Variants in FAM177A1 observed in about 807,000 individuals in gnomAD.
FAM177A1 encodes the protein family with sequence similarity 177 member A1, also known as protein FAM177A1.
FAM177A1 carries 22 observed loss-of-function variants against 26.1 expected under a neutral mutation model. The ratio of observed to expected loss-of-function variants is 0.84; its 90% confidence interval spans 0.60 to 1.20. The LOEUF is 1.20. FAM177A1 is among the 50% of genes most tolerant of loss of function. The pLI is 0.00. For missense variants in FAM177A1, 296 were observed against 291.1 expected (o/e 1.02, Z -0.12); for synonymous variants, 95 against 99.3 (o/e 0.96, Z 0.26).
chr14:35,071,022 A>G (rs2138560020), intron 2 of FAM177A1, among the ~76,000 whole-genome samples: 1 of 149,090 alleles, frequency 6.7e-6, no homozygotes, highest in African/African-American at 2.5e-5. Context: ...TTTGAGACGG[A>G]GTCTTGCTCT....
intron 2 of FAM177A1, among the ~76,000 whole-genome samples, chr14:35,072,131 C>T (rs186573911): frequency 1.6e-4 from 25 of 152,006 alleles, no homozygotes; most frequent in African/African-American, 4.8e-4. Flanking sequence ...AAAAATTAGC[C>T]GGATGTGGTG....
At chr14:35,069,786 T>G (rs2045290377) in intron 2 of FAM177A1, among the ~76,000 whole-genome samples, 1 of 151,948 alleles carries the variant, frequency 6.6e-6, no homozygotes, top group Non-Finnish European at 1.5e-5. Context: ...AGATTTAAGA[T>G]TAATACTCCT....
chr14:35,078,428 C>T (rs1438457239), intron 3 of FAM177A1, among the ~76,000 whole-genome samples: 6 of 152,046 alleles, frequency 3.9e-5, no homozygotes, highest in African/African-American at 7.2e-5. Flanking sequence ...CTTGTCTCAC[C>T]GTAACCTCCA....
intron 2 of FAM177A1, among the ~76,000 whole-genome samples, chr14:35,068,683 C>G (rs1184155553): frequency 6.6e-6 from 1 of 152,156 alleles, no homozygotes; most frequent in Non-Finnish European, 1.5e-5. Context: ...CTTTTTACCC[C>G]TTCAGATATT....
rs1318758276 is a variant in FAM177A1 at position 35,067,276 on chromosome 14, CGT to C, written c.340-9872_340-9871del. Among the ~76,000 whole-genome samples, 25 of 152,142 alleles carry C rather than the reference CGT, an allele frequency of 1.6e-4. 1 individual carries two copies. The highest frequency in any genetic ancestry group is 2.9e-4 in the Non-Finnish European group (20 of 68,026). On this transcript the variant is annotated intron_variant, in intron 2 of 4. Coordinates refer to ENST00000280987, the MANE Select transcript of FAM177A1 (RefSeq NM_173607.5). Reference sequence around the variant, plus strand: ...TTTGGATTCCACATAAAAGTGAAAACGTGGCATTATGCCTTTCTGTGCCTGGG... The same window carrying C: ...TTTGGATTCCACATAAAAGTGAAAACGGCATTATGCCTTTCTGTGCCTGGG...
At chr14:35,057,356 C>T (rs1422934313) in intron 2 of FAM177A1, among the ~76,000 whole-genome samples, 1 of 151,954 alleles carries the variant, frequency 6.6e-6, no homozygotes, top group African/African-American at 2.4e-5. Flanking sequence ...CCACCATGCC[C>T]AGCTTCCCAT....
intron 2 of FAM177A1, among the ~76,000 whole-genome samples, chr14:35,056,611 G>A (rs1034951713): frequency 6.6e-6 from 1 of 152,128 alleles, no homozygotes; most frequent in Non-Finnish European, 1.5e-5. Flanking sequence ...CCCTGTCTCA[G>A]CCTCCCAAAG....
chr14:35,047,259 A>G (rs916611333), intron 1 of FAM177A1, among the ~76,000 whole-genome samples: 16 of 152,256 alleles, frequency 1.1e-4, no homozygotes, highest in African/African-American at 3.9e-4. Context: ...AACCTAATTT[A>G]TCAAAACAAT....
intron 1 of FAM177A1, among the ~76,000 whole-genome samples, chr14:35,052,454 C>A (rs1041948985): frequency 6.6e-6 from 1 of 151,988 alleles, no homozygotes; most frequent in Admixed American, 6.6e-5. Context: ...TGTGATCCGC[C>A]TGCCTCGGCC....
chr14:35,062,793 CAA>C (rs11285301), intron 2 of FAM177A1, among the ~76,000 whole-genome samples: 26 of 64,622 alleles, frequency 4.0e-4, no homozygotes, highest in Non-Finnish European at 5.1e-4. Context: ...GACCCTGTCT[CAA>C]AAAAAAAAAA....
Position 35,079,032 on chromosome 14 carries a change from T to A in FAM177A1, c.504+8T>A. On this transcript the variant is annotated splice_region_variant and intron_variant, in intron 4 of 4. Coordinates refer to ENST00000280987, the MANE Select transcript of FAM177A1 (RefSeq NM_173607.5). ...TATCGGATGAAGAAGGAGGTATGCC[T>A]CCTTTTTACATTTTCTTGATTCAGT... is the stretch of plus-strand genomic sequence containing the variant. 6.4e-7 allele frequency: 1 copy of A among 1,551,108 alleles called. No homozygotes were observed. Among genetic ancestry groups the A allele is most frequent in the Non-Finnish European group, 8.6e-7 (1 of 1,158,478 alleles).
chr14:35,076,372 C>G (rs1472324106), intron 2 of FAM177A1, among the ~76,000 whole-genome samples: 1 of 151,200 alleles, frequency 6.6e-6, no homozygotes, highest in South Asian at 2.1e-4. Context: ...TGTTCTCACT[C>G]TTAGGTGGGA....
chr14:35,063,383 C>T (rs934037008), intron 2 of FAM177A1, among the ~76,000 whole-genome samples: 12 of 151,126 alleles, frequency 7.9e-5, no homozygotes, highest in Non-Finnish European at 1.6e-4. Context: ...ACCTGCCTGG[C>T]CAACATGGTG....
At chr14:35,073,816 A>G (rs368033239) in intron 2 of FAM177A1, among the ~76,000 whole-genome samples, 2 of 152,244 alleles carry the variant, frequency 1.3e-5, no homozygotes, top group African/African-American at 4.8e-5. Context: ...TCTGCCTTGA[A>G]TCCTGGTGCT....
At chr14:35,065,211 T>G (rs974825729) in intron 2 of FAM177A1, among the ~76,000 whole-genome samples, 2 of 151,686 alleles carry the variant, frequency 1.3e-5, no homozygotes, top group Admixed American at 6.6e-5. Context: ...TCTCTCTCTC[T>G]CGCCCAGGCT....
At chr14:35,080,504 A>AAG (rs2045464013) in intron 4 of FAM177A1, among the ~76,000 whole-genome samples, 1 of 152,152 alleles carries the variant, frequency 6.6e-6, no homozygotes, top group Non-Finnish European at 1.5e-5. Context: ...CTGTTTTAAA[A>AAG]AGTAACCTCT....
intron 2 of FAM177A1, among the ~76,000 whole-genome samples, chr14:35,070,184 A>G (rs1204649450): frequency 1.4e-5 from 2 of 146,852 alleles, no homozygotes; most frequent in African/African-American, 2.5e-5. Context: ...ATAATCTTAT[A>G]GTAACTCACT....
intron 2 of FAM177A1, among the ~76,000 whole-genome samples, chr14:35,070,008 C>T (rs111667291): frequency 4.7e-5 from 7 of 148,640 alleles, no homozygotes; most frequent in Middle Eastern, 3.5e-3. Flanking sequence ...CCCAGCTACT[C>T]GGGAGGCTAA....
rs887528661 is a variant in FAM177A1, at chr14:35,081,802, G to A, written c.*574G>A. On this transcript the variant is annotated 3_prime_UTR_variant, in exon 5 of 5. Coordinates refer to ENST00000280987, the MANE Select transcript of FAM177A1 (RefSeq NM_173607.5). ...ATTTATAACACCAGATATTAAGATAGGCTTCCATTTTTTAATGCAAGCCAC... is the reference window on the plus strand; with the variant it reads ...ATTTATAACACCAGATATTAAGATAAGCTTCCATTTTTTAATGCAAGCCAC... The A allele has an allele frequency of 2.0e-5, 3 of 152,060 alleles. No homozygotes were observed. Among genetic ancestry groups the A allele is most frequent in the Non-Finnish European group, 4.4e-5 (3 of 68,026 alleles). 9.4% of individuals were successfully genotyped at this position (152,060 alleles called of 1,614,324 possible).
Sources: gnomAD v4.1 joint callset for allele counts (sites outside exome capture counted in the v4.1 genomes callset) on GRCh38, gnomAD v4.1.1 for gene constraint, MANE v1.5 for transcripts, NCBI Gene and HGNC (gene_info 2026-07-23, HGNC 2026-07-21) for gene names.